The following UNC13C variants were observed in gnomAD, a reference collection of about 807,000 sequenced individuals.
UNC13C encodes protein unc-13 homolog C.
A neutral mutation model predicts 245.4 loss-of-function variants in UNC13C; 174 were observed. The ratio of observed to expected loss-of-function variants is 0.71; its 90% CI spans 0.63 to 0.80. The LOEUF is 0.80. UNC13C is among the 30% of genes least tolerant of loss of function. The pLI is 0.00. For missense variants in UNC13C, 2,829 were observed against 2,602.9 expected, an observed-to-expected ratio of 1.09 and a Z score of -1.89; for synonymous variants, 992 against 895.1, an observed-to-expected ratio of 1.11 and a Z score of -1.93.
chr15:54,417,291 G>T (rs575781684), intron 19 of UNC13C, among the ~76,000 whole-genome samples: 2 of 152,226 alleles, frequency 1.3e-5, no homozygotes, highest in African/African-American at 4.8e-5. Context: ...GGCAGTAGAG[G>T]AGACATCATT....
intron 7 of UNC13C, among the ~76,000 whole-genome samples, chr15:54,248,237 A>G (rs2036047506): frequency 1.3e-5 from 2 of 152,180 alleles, no homozygotes; most frequent in Admixed American, 1.3e-4. Context: ...CCATTAAAAC[A>G]AACGAGTTGC....
At chr15:53,917,351 A>G in the UNC13C span, among the ~76,000 whole-genome samples, 1 of 152,236 alleles carries the variant, frequency 6.6e-6, no homozygotes, top group Non-Finnish European at 1.5e-5. Context: ...ACAGCTTTTA[A>G]GACTGGAAAC....
In UNC13C at chr15:54,465,230, A is replaced by G. The variant is rs980855976; in HGVS notation, c.4934-29378A>G. 9.9e-5 allele frequency among the ~76,000 whole-genome samples: 15 copies of G among 152,204 alleles called. 1 individual carries two copies. The highest frequency in any genetic ancestry group is 9.2e-4 in the Admixed American group (14 of 15,296). ...ATGAACTGTGCTAGTGTATGATTCCACTTATCTTCAGTTTACCCTAATACA... is the reference window on the plus strand; with the variant it reads ...ATGAACTGTGCTAGTGTATGATTCCGCTTATCTTCAGTTTACCCTAATACA... On this transcript the variant is annotated intron_variant, in intron 19 of 32. Transcript: ENST00000260323.
intron 8 of UNC13C, among the ~76,000 whole-genome samples, chr15:54,260,357 C>G (rs1423794500): frequency 6.6e-6 from 1 of 151,900 alleles, no homozygotes. Context: ...TAAAAGACCT[C>G]TATTTCCTGT....
chr15:53,880,059 G>A, the UNC13C span, among the ~76,000 whole-genome samples: 1 of 151,746 alleles, frequency 6.6e-6, no homozygotes, highest in Non-Finnish European at 1.5e-5. Flanking sequence ...AAATCATGTA[G>A]TTACTCTGCA....
At chr15:54,274,369 C>T (rs992351266) in intron 10 of UNC13C, among the ~76,000 whole-genome samples, 1 of 152,106 alleles carries the variant, frequency 6.6e-6, no homozygotes, top group Non-Finnish European at 1.5e-5. Context: ...TAATTATAGG[C>T]ATGGATATTT....
intron 4 of UNC13C, among the ~76,000 whole-genome samples, chr15:54,174,471 A>G (rs1440237389): frequency 6.6e-6 from 1 of 152,156 alleles, no homozygotes; most frequent in African/African-American, 2.4e-5. Context: ...GTGCTGTTTT[A>G]ACTCCTATTC....
At chr15:54,318,659 A>G (rs1304101552) in intron 13 of UNC13C, among the ~76,000 whole-genome samples, 1 of 151,834 alleles carries the variant, frequency 6.6e-6, no homozygotes, top group Non-Finnish European at 1.5e-5. Flanking sequence ...ACATTTTGTT[A>G]CAGTTGATTA....
intron 30 of UNC13C, among the ~76,000 whole-genome samples, chr15:54,610,191 T>A (rs192857067): frequency 6.6e-6 from 1 of 152,194 alleles, no homozygotes; most frequent in Admixed American, 6.5e-5. Flanking sequence ...TCATATGATA[T>A]ATGATGATGT....
Position 54,482,518 on chromosome 15 carries a change from G to A in UNC13C, c.4934-12090G>A, listed in dbSNP as rs151124825. On this transcript the variant is annotated intron_variant, in intron 19 of 32. Coordinates refer to ENST00000260323, the MANE Select transcript of UNC13C (RefSeq NM_001080534.3). Reference sequence around the variant, plus strand: ...TTTTGTTCACCTTTTTCCCACAATGGGAGGTTCCTCCTGACTCTGAGCTGA... The same window carrying A: ...TTTTGTTCACCTTTTTCCCACAATGAGAGGTTCCTCCTGACTCTGAGCTGA... Among the ~76,000 whole-genome samples the A allele has an allele frequency of 1.6e-3, 240 of 147,642 alleles. 1 individual carries two copies. The highest frequency in any genetic ancestry group is 3.9e-3 in the Admixed American group (58 of 14,848).
chr15:54,451,895 T>A lies in UNC13C; in HGVS notation c.4933+36828T>A, dbSNP rs1254753563. Reference sequence around the variant, plus strand: ...CTGATATAACAGTTGCCTCTTCCAATTTTTTGGATTTGCTTTCATAGGGAA... The same window carrying A: ...CTGATATAACAGTTGCCTCTTCCAAATTTTTGGATTTGCTTTCATAGGGAA... On this transcript the variant is annotated intron_variant, in intron 19 of 32. Transcript: ENST00000260323. Among the ~76,000 whole-genome samples the A allele has an allele frequency of 3.3e-5, 5 of 152,342 alleles. No homozygotes were observed. The East Asian group carries it at 9.7e-4, about 29-fold the overall frequency.
chr15:53,855,418 A>G, the UNC13C span, among the ~76,000 whole-genome samples: 1 of 152,122 alleles, frequency 6.6e-6, no homozygotes, highest in Admixed American at 6.6e-5. Flanking sequence ...TCGCTATGAT[A>G]TTGACTGTGG....
chr15:54,623,972 C>T lies in UNC13C; in HGVS notation c.6359+18C>T. ...TTTCAGTTGTAAGTCATAAACCCAC[C>T]TTACTTATTCTACCAGGCAATAGTT... On this transcript the variant is annotated intron_variant, in intron 32 of 32. Coordinates refer to ENST00000260323, the MANE Select transcript of UNC13C (RefSeq NM_001080534.3). The T allele has an allele frequency of 6.2e-7, 1 of 1,612,294 alleles. No homozygotes were observed. The highest frequency in any genetic ancestry group is 8.5e-7 in the Non-Finnish European group (1 of 1,178,824).
At chr15:54,125,063 A>G (rs2030944290) in intron 2 of UNC13C, among the ~76,000 whole-genome samples, 1 of 152,208 alleles carries the variant, frequency 6.6e-6, no homozygotes, top group South Asian at 2.1e-4. Flanking sequence ...TTAATTGAAT[A>G]AAGTAATCCC....
chr15:54,483,446 T>A (rs560893081), intron 19 of UNC13C, among the ~76,000 whole-genome samples: 1 of 152,268 alleles, frequency 6.6e-6, no homozygotes, highest in African/African-American at 2.4e-5. Context: ...TTTAGAACAA[T>A]TTTTCTTTGT....
intron 16 of UNC13C, among the ~76,000 whole-genome samples, chr15:54,335,163 T>A (rs952298945): frequency 1.3e-5 from 2 of 152,236 alleles, no homozygotes; most frequent in South Asian, 4.1e-4. Flanking sequence ...TTTTGTCTTC[T>A]CTTGTGCACT....
intron 2 of UNC13C, among the ~76,000 whole-genome samples, chr15:54,059,946 T>C (rs892377954): frequency 5.9e-5 from 9 of 152,076 alleles, no homozygotes; most frequent in African/African-American, 7.2e-5. Flanking sequence ...CCCTTCCTTA[T>C]ACCTTATACA....
At chr15:53,908,734 AG>A in the UNC13C span, among the ~76,000 whole-genome samples, 5,661 of 114,336 alleles carry the variant, frequency 0.05, 674 homozygotes, top group African/African-American at 0.17. Context: ...TCTGGGTGAC[AG>A]AATGAGAACC....
At chr15:54,371,460 G>A (rs976302536) in intron 17 of UNC13C, among the ~76,000 whole-genome samples, 14 of 152,154 alleles carry the variant, frequency 9.2e-5, no homozygotes, top group African/African-American at 1.9e-4. Flanking sequence ...TGAATAAAGC[G>A]GAAGGCTTTA....
Sources: allele counts gnomAD v4.1 joint callset (sites outside exome capture counted in the v4.1 genomes callset), GRCh38; gene constraint gnomAD v4.1.1; transcripts MANE v1.5; gene names NCBI Gene and HGNC (gene_info 2026-07-23, HGNC 2026-07-21).